The following ITPRID1 variants were observed in gnomAD, a reference collection of about 807,000 sequenced individuals.
ITPRID1 encodes the protein ITPR interacting domain containing 1.
Under a neutral mutation model 95.4 loss-of-function variants are expected in ITPRID1, and 96 were observed. The ratio of observed to expected loss-of-function variants is 1.01; its 90% CI spans 0.85 to 1.19. ITPRID1 has a LOEUF of 1.19. Among genes scored for constraint, ITPRID1 ranks in the 50% most tolerant of loss-of-function variants. The probability of loss-of-function intolerance (pLI) is 0.00; values close to 1 mark genes in which losing one functional copy is unlikely to be tolerated. For synonymous variants in ITPRID1, 510 were observed against 453.6 expected, an observed-to-expected ratio of 1.12 and a Z score of -1.58; for missense variants, 1,339 against 1,252.9, an observed-to-expected ratio of 1.07 and a Z score of -1.04.
intron 5 of ITPRID1, among the ~76,000 whole-genome samples, chr7:31,567,970 CA>C (rs767340052): frequency 1.3e-5 from 2 of 151,754 alleles, no homozygotes; most frequent in Non-Finnish European, 2.9e-5. Context: ...TACTAAGATT[CA>C]AAAAACTAGA....
intron 1 of ITPRID1, among the ~76,000 whole-genome samples, chr7:31,520,857 GT>G (rs1783227461): frequency 6.6e-6 from 1 of 151,716 alleles, no homozygotes; most frequent in Non-Finnish European, 1.5e-5. Context: ...TAATACTGAT[GT>G]CTCCATCTCT....
chr7:31,542,505 A>G (rs1783965293), intron 1 of ITPRID1, among the ~76,000 whole-genome samples: 1 of 152,256 alleles, frequency 6.6e-6, no homozygotes. Context: ...GATTCTTTTT[A>G]TATAAATTCT....
Position 31,653,424 on chromosome 7 carries a change from G to C in ITPRID1, c.*595G>C, listed in dbSNP as rs1791127189. 6.5e-6 allele frequency: 1 copy of C among 153,176 alleles called. No homozygotes were observed. Among genetic ancestry groups the C allele is most frequent in the Non-Finnish European group, 1.5e-5 (1 of 68,844 alleles). The allele number at this position is 153,176 out of a possible 1,614,324, so 9.5% of individuals were successfully genotyped here. On this transcript the variant is annotated 3_prime_UTR_variant, in exon 15 of 15. Transcript: ENST00000615280. ...CAGAAGGTAAAATAAACATAGGGCAGAGGAAGCAATCAGATATGCATTTGT... is the reference window on the plus strand; with the variant it reads ...CAGAAGGTAAAATAAACATAGGGCACAGGAAGCAATCAGATATGCATTTGT...
At chr7:31,623,432 A>T (rs1052518819) in intron 10 of ITPRID1, among the ~76,000 whole-genome samples, 44 of 150,874 alleles carry the variant, frequency 2.9e-4, no homozygotes, top group Non-Finnish European at 5.3e-4. Context: ...CATCCCTGGG[A>T]TGCAAGGCTG....
chr7:31,606,273 T>C lies in ITPRID1; in HGVS notation c.1228+23082T>C, dbSNP rs1049206312. On this transcript the variant is annotated intron_variant, in intron 10 of 14. Transcript: ENST00000615280. ...CCCTAGGGGTCCAAAAATCCTGACA[T>C]GCATACCCTGTTAATCCCGTGTGTA... 2.6e-5 allele frequency among the ~76,000 whole-genome samples: 4 copies of C among 152,250 alleles called. No individual in the cohort carries two copies. The South Asian group carries it at 8.3e-4, about 32-fold the overall frequency.
intron 2 of ITPRID1, chr7:31,551,847 T>C: frequency 2.5e-6 from 1 of 397,800 alleles, no homozygotes; most frequent in South Asian, 1.8e-5. Flanking sequence ...CTGAAGTAAG[T>C]GTTTGGCTAC....
chr7:31,574,793 C>T, intron 8 of ITPRID1, 51 bp downstream of exon 8: 1 of 1,530,182 alleles, frequency 6.5e-7, no homozygotes, highest in Non-Finnish European at 9.0e-7. Context: ...AATGAGTGGG[C>T]AGGTGGGCCA....
At chr7:31,624,533 A>G (rs1259089460) in intron 10 of ITPRID1, among the ~76,000 whole-genome samples, 1 of 117,216 alleles carries the variant, frequency 8.5e-6, no homozygotes, top group Non-Finnish European at 1.8e-5. Flanking sequence ...GGGATTCCCT[A>G]TTTAATAAAT....
At chr7:31,637,606 G>C (rs1182939299) in intron 10 of ITPRID1, among the ~76,000 whole-genome samples, 2 of 152,080 alleles carry the variant, frequency 1.3e-5, no homozygotes. Context: ...TCGTAAATTT[G>C]TTTGAGTTCA....
At chr7:31,620,168 C>T (rs1283407686) in intron 10 of ITPRID1, among the ~76,000 whole-genome samples, 1 of 152,182 alleles carries the variant, frequency 6.6e-6, no homozygotes, top group Non-Finnish European at 1.5e-5. Context: ...CAGGCTCCAC[C>T]TCTGGGGGCA....
At chr7:31,516,945 C>T (rs1205529789) in intron 1 of ITPRID1, among the ~76,000 whole-genome samples, 1 of 152,204 alleles carries the variant, frequency 6.6e-6, no homozygotes, top group South Asian at 2.1e-4. Context: ...TCCGGAGTTT[C>T]TTCCTGCTGG....
chr7:31,523,868 T>C (rs1783344326), intron 1 of ITPRID1, among the ~76,000 whole-genome samples: 2 of 152,172 alleles, frequency 1.3e-5, no homozygotes, highest in Non-Finnish European at 2.9e-5. Context: ...AAATATAAAC[T>C]AGCTCTTGTT....
chr7:31,540,956 C>T (rs1783914684), intron 1 of ITPRID1, among the ~76,000 whole-genome samples: 1 of 152,178 alleles, frequency 6.6e-6, no homozygotes, highest in East Asian at 1.9e-4. Context: ...CAGTCAAAGC[C>T]TTGGTAAAAA....
chr7:31,642,742 C>G lies in ITPRID1; in HGVS notation c.1372C>G (p.Gln458Glu). 6.2e-7 allele frequency: 1 copy of G among 1,614,002 alleles called. No individual in the cohort carries two copies. The highest frequency in any genetic ancestry group is 8.5e-7 in the Non-Finnish European group (1 of 1,179,892). Residue 458 changes from glutamine to glutamate, a missense_variant, in exon 12 of 15, where the codon CAG (glutamine) becomes GAG (glutamate). Coordinates refer to ENST00000615280, the MANE Select transcript of ITPRID1 (RefSeq NM_001257967.3). ...GAATGGAGGTAGAAAGCCAAGAGAT[C>G]AGAGCCACAGCTTAGTATCATCCCA... The part of the protein sequence containing the change: ...AENGGRKPRD[Q>E]SHSLVSSQDC...
intron 10 of ITPRID1, among the ~76,000 whole-genome samples, chr7:31,612,318 A>T (rs1296422480): frequency 6.6e-6 from 1 of 152,132 alleles, no homozygotes; most frequent in African/African-American, 2.4e-5. Context: ...TAGTGAGAAC[A>T]ACATTTGCAT....
intron 1 of ITPRID1, among the ~76,000 whole-genome samples, chr7:31,525,102 T>G (rs1250705784): frequency 6.6e-6 from 1 of 152,230 alleles, no homozygotes; most frequent in Non-Finnish European, 1.5e-5. Context: ...ACAGGCCATT[T>G]ATCATGCATT....
chr7:31,559,404 T>C (rs940891392), intron 5 of ITPRID1, among the ~76,000 whole-genome samples: 15 of 152,184 alleles, frequency 9.9e-5, no homozygotes, highest in African/African-American at 3.4e-4. Context: ...CCCACACCTG[T>C]AATCCCAGCA....
At chr7:31,527,621 G>C (rs1783462418) in intron 1 of ITPRID1, among the ~76,000 whole-genome samples, 1 of 152,020 alleles carries the variant, frequency 6.6e-6, no homozygotes. Context: ...TTCTATCCCT[G>C]TTTAGAATCG....
chr7:31,620,690 A>C (rs1462013327), intron 10 of ITPRID1, among the ~76,000 whole-genome samples: 4 of 151,884 alleles, frequency 2.6e-5, no homozygotes, highest in Non-Finnish European at 5.9e-5. Flanking sequence ...GGAAACTCTA[A>C]AAAGCAGAGC....
Sources: allele counts gnomAD v4.1 joint callset (sites outside exome capture counted in the v4.1 genomes callset), GRCh38; gene constraint gnomAD v4.1.1; transcripts MANE v1.5; gene names NCBI Gene and HGNC (gene_info 2026-07-23, HGNC 2026-07-21).